The following PPP2R3C variants were observed in gnomAD, a reference collection of about 807,000 sequenced individuals.
PPP2R3C encodes the protein protein phosphatase 2 regulatory subunit B''gamma, also known as serine/threonine-protein phosphatase 2A regulatory subunit B'' subunit gamma.
A neutral mutation model predicts 63.7 loss-of-function variants in PPP2R3C; 47 were observed. The observed-to-expected ratio is 0.74, with a 90% CI of 0.58 to 0.94. The LOEUF (loss-of-function observed/expected upper bound fraction) is 0.94. Ranked by LOEUF, PPP2R3C falls within the 40% of genes least tolerant of loss-of-function variation. The pLI, the probability that PPP2R3C is intolerant of heterozygous loss-of-function variation, is 0.00. For synonymous variants in PPP2R3C, 180 were observed against 177.4 expected, an observed-to-expected ratio of 1.01 and a Z score of -0.12; for missense variants, 421 against 518.4, an observed-to-expected ratio of 0.81 and a Z score of 1.82.
chr14:35,096,154 A>C (rs1351506213), intron 9 of PPP2R3C, among the ~76,000 whole-genome samples: 1 of 152,080 alleles, frequency 6.6e-6, no homozygotes, highest in African/African-American at 2.4e-5. Context: ...CAGCCTGGGC[A>C]ACACAGTGAG....
chr14:35,108,085 A>G (rs1330840393), intron 5 of PPP2R3C, 54 bp downstream of exon 5: 3 of 1,585,500 alleles, frequency 1.9e-6, no homozygotes, highest in Non-Finnish European at 2.6e-6. Flanking sequence ...AGCACAGACC[A>G]AAAACCTACT....
At position 35,085,763 on chromosome 14, in the gene PPP2R3C, T is replaced by C; in HGVS notation, c.1189A>G (p.Met397Val). ...TTCAAAGGATCCTTTGGTTTTACCA[T>C]GTCAAAGATTTCATCCTGCAAGAGA... ...FQDVKDEIFDMVKPKDPLKIS... is the reference protein window; with the variant it reads ...FQDVKDEIFDVVKPKDPLKIS... The change falls in exon 13 of 13, where the codon ATG becomes GTG. Residue 397 changes from methionine to valine, a missense_variant. By Grantham distance (21) the Met-to-Val change is conservative (BLOSUM62 1). Around this residue, in one of 3 missense-constraint regions of PPP2R3C, gnomAD observed 231 missense variants for 264.8 expected, o/e 0.87. Transcript: ENST00000261475. 1 of 1,602,804 alleles carries C rather than the reference T, an allele frequency of 6.2e-7. No homozygotes were observed. Among genetic ancestry groups the C allele is most frequent in the Non-Finnish European group, 8.5e-7 (1 of 1,174,730 alleles).
rs370923735 is a variant in PPP2R3C, at chr14:35,092,844, T to C, written c.976-1637A>G. Among the ~76,000 whole-genome samples the C allele has an allele frequency of 5.9e-5, 9 of 152,284 alleles. No homozygotes were observed. In the East Asian group the frequency reaches 9.6e-4, roughly 16 times the overall value. ...TTCAGATTTCCAATAAGAAGCTGTCTTGAGATTGCCAGACATTTTACAGTG... is the reference window on the plus strand; with the variant it reads ...TTCAGATTTCCAATAAGAAGCTGTCCTGAGATTGCCAGACATTTTACAGTG... On this transcript the variant is annotated intron_variant, in intron 10 of 12. Transcript: ENST00000261475.
At chr14:35,120,254 T>A (rs2138730597) in intron 1 of PPP2R3C, among the ~76,000 whole-genome samples, 1 of 150,042 alleles carries the variant, frequency 6.7e-6, no homozygotes, top group South Asian at 2.1e-4. Flanking sequence ...TGCTTCTCCT[T>A]TTTTTTTGAG....
intron 10 of PPP2R3C, among the ~76,000 whole-genome samples, chr14:35,093,827 A>G (rs2045912532): frequency 6.6e-6 from 1 of 151,898 alleles, no homozygotes; most frequent in Non-Finnish European, 1.5e-5. Flanking sequence ...AATTTTTTGT[A>G]TTTTTAGTAG....
chr14:35,085,605 G>A lies in PPP2R3C; in HGVS notation c.1347C>T (p.Asp449=), dbSNP rs183093620. 1.2e-5 allele frequency: 20 copies of A among 1,609,384 alleles called. No homozygotes were observed. In the Admixed American group the frequency reaches 3.2e-4, roughly 26 times the overall value. ...LVANDSENSA[D]LDDT ...CTTTCAGAGATCATGTATCATCAAG[G>A]TCTGCAGAGTTTTCACTGTCATTTG... Residue 449 remains aspartate, a synonymous_variant, in exon 13 of 13, where the codon GAC becomes GAT. Coordinates refer to ENST00000261475, the MANE Select transcript of PPP2R3C (RefSeq NM_017917.4).
intron 11 of PPP2R3C, among the ~76,000 whole-genome samples, chr14:35,088,376 T>C (rs768199214): frequency 2.6e-5 from 4 of 152,202 alleles, no homozygotes; most frequent in African/African-American, 4.8e-5. Context: ...ATGAATGTTA[T>C]TCCTGCCTTC....
At chr14:35,107,817 A>ATCCTT (rs59398824) in intron 5 of PPP2R3C, 334,250 of 397,254 alleles carry the variant, frequency 0.84, 141,520 homozygotes, top group Non-Finnish European at 0.87. Context: ...GTTTGAAACT[A>ATCCTT]TCAGTCAACT....
At chr14:35,094,721 T>C (rs1458799992) in intron 10 of PPP2R3C, among the ~76,000 whole-genome samples, 4 of 152,082 alleles carry the variant, frequency 2.6e-5, no homozygotes, top group Non-Finnish European at 5.9e-5. Flanking sequence ...CCCAGCACTT[T>C]GGGAGGCAGA....
In PPP2R3C at chr14:35,087,988, A is replaced by C. The variant is rs2045664344; in HGVS notation, c.1136T>G (p.Ile379Ser). Residue 379 changes from isoleucine to serine, a missense_variant, in exon 12 of 13, where the codon ATC becomes AGC. Ile to Ser is a moderately radical substitution (Grantham distance 142). Transcript: ENST00000261475. The stretch of plus-strand genomic sequence containing the variant: ...AAATGAAACAGGATCTTGTCCATGG[A>C]TTTTCATTAGTTCCTGTATGGCCTG... ...FFRAIQELMK[I>S]HGQDPVSFQD... 6.2e-7 allele frequency: 1 copy of C among 1,600,222 alleles called. No individual in the cohort carries two copies. The highest frequency in any genetic ancestry group is 1.1e-5 in the South Asian group (1 of 90,764).
At chr14:35,089,524 T>A (rs1355750263) in intron 11 of PPP2R3C, among the ~76,000 whole-genome samples, 10 of 152,140 alleles carry the variant, frequency 6.6e-5, no homozygotes. Flanking sequence ...GCTAATTTTT[T>A]AAATTTTTTG....
chr14:35,111,826 A>G (rs147531934), intron 2 of PPP2R3C, among the ~76,000 whole-genome samples: 29 of 152,136 alleles, frequency 1.9e-4, no homozygotes, highest in African/African-American at 7.0e-4. Context: ...TCCCCAACCA[A>G]TCAGCAGTAC....
At chr14:35,114,611 T>G (rs2046655077) in intron 2 of PPP2R3C, among the ~76,000 whole-genome samples, 1 of 152,134 alleles carries the variant, frequency 6.6e-6, no homozygotes. Context: ...TTCAGTAGAT[T>G]TCAGTTTCAG....
chr14:35,104,755 G>C (rs187956937), intron 6 of PPP2R3C, among the ~76,000 whole-genome samples: 277 of 152,028 alleles, frequency 1.8e-3, no homozygotes, highest in African/African-American at 6.5e-3. Flanking sequence ...TTTTTCTTTT[G>C]AGACAGTCTT....
chr14:35,121,938 G>T lies in PPP2R3C; in HGVS notation c.22C>A (p.Arg8Ser). The change falls in exon 1 of 13, where the codon CGT (arginine) becomes AGT (serine). Residue 8 changes from arginine to serine, a missense_variant. Physicochemically the swap from Arg to Ser is moderately radical, Grantham distance 110. Transcript: ENST00000261475. MDWKEVLRRRLATPNTCP... is the reference protein window; with the variant it reads MDWKEVLSRRLATPNTCP... ...GTGTTGGGCGTCGCTAGGCGCCGACGAAGAACTTCTTTCCAGTCCATGGCC... is the reference window on the plus strand; with the variant it reads ...GTGTTGGGCGTCGCTAGGCGCCGACTAAGAACTTCTTTCCAGTCCATGGCC... The T allele has an allele frequency of 6.2e-7, 1 of 1,614,130 alleles. No homozygotes were observed.
chr14:35,087,022 G>A (rs1288486298), intron 12 of PPP2R3C: 1 of 152,052 alleles, frequency 6.6e-6, no homozygotes, highest in Non-Finnish European at 1.5e-5. Flanking sequence ...ACATCTAAAT[G>A]TTTCAGAGAT....
At chr14:35,119,849 C>CTTTTTTTTTT (rs71121267) in intron 1 of PPP2R3C, among the ~76,000 whole-genome samples, 1 of 117,016 alleles carries the variant, frequency 8.5e-6, no homozygotes, top group African/African-American at 3.4e-5. Flanking sequence ...GACAGTTCAT[C>CTTTTTTTTTT]TTTTTTTTTT....
chr14:35,108,372 CTTAAAATA>C (rs1047047403), intron 4 of PPP2R3C, 136 bp from the exon 5 acceptor site: 12 of 1,136,148 alleles, frequency 1.1e-5, no homozygotes, highest in African/African-American at 6.6e-5. Context: ...AATTCAAAAA[CTTAAAATA>C]TTAAGTCAAA....
At chr14:35,108,931 CTTT>C (rs927878447) in intron 4 of PPP2R3C, among the ~76,000 whole-genome samples, 1 of 147,190 alleles carries the variant, frequency 6.8e-6, no homozygotes. Flanking sequence ...TGTTTGCATT[CTTT>C]TTTTTTTTAA....
Sources: gnomAD v4.1 joint callset for allele counts (sites outside exome capture counted in the v4.1 genomes callset) on GRCh38, gnomAD v4.1.1 for gene constraint, gnomAD v4.1.1 regional missense constraint, MANE v1.5 for transcripts, NCBI Gene and HGNC (gene_info 2026-07-23, HGNC 2026-07-21) for gene names.